Variants in DST observed in about 807,000 individuals in gnomAD.
DST encodes bullous pemphigoid antigen.
DST carries 253 observed loss-of-function variants against 875.2 expected under a neutral mutation model. The observed-to-expected ratio is 0.29, with a 90% confidence interval of 0.26 to 0.32. DST has a LOEUF of 0.32. DST is among the 10% of genes least tolerant of loss of function. The pLI is 1.00. For missense variants in DST, 8,287 were observed against 9,111.6 expected (o/e 0.91, Z 3.68); for synonymous variants, 3,124 against 3,197.1 (o/e 0.98, Z 0.77).
chr6:56,842,336 T>C (rs1004615066), intron 4 of DST, among the ~76,000 whole-genome samples: 64 of 152,308 alleles, frequency 4.2e-4, no homozygotes, highest in Middle Eastern at 3.4e-3. Context: ...TAAAAATACA[T>C]TTCCAGACAC....
intron 9 of DST, among the ~76,000 whole-genome samples, chr6:56,689,852 G>A (rs970866669): frequency 6.6e-6 from 1 of 152,274 alleles, no homozygotes; most frequent in Admixed American, 6.5e-5. Context: ...ACAAAACTGG[G>A]AAGAGGTGGG....
chr6:56,482,662 T>A, intron 89 of DST, 21 bp downstream of exon 89: 1 of 1,602,410 alleles, frequency 6.2e-7, no homozygotes, highest in Non-Finnish European at 8.5e-7. Context: ...TACACCCAGC[T>A]CTCATTTACA....
At chr6:56,578,761 C>A (rs554054086) in intron 50 of DST, 53 bp downstream of exon 50, 2 of 1,591,370 alleles carry the variant, frequency 1.3e-6, no homozygotes, top group Admixed American at 3.4e-5. Flanking sequence ...TATTAGGACA[C>A]CTTTCTTTAG....
intron 3 of DST, among the ~76,000 whole-genome samples, chr6:56,874,438 T>C (rs1291471909): frequency 6.6e-6 from 1 of 152,254 alleles, no homozygotes; most frequent in Non-Finnish European, 1.5e-5. Context: ...ACCATCTTAC[T>C]TTCTTTTCAT....
In DST at chr6:56,938,108, C is replaced by CTCTCTA. The variant is rs1383243392; in HGVS notation, c.216+15676_216+15677insTAGAGA. On this transcript the variant is annotated intron_variant, in intron 2 of 103. Coordinates refer to ENST00000680361, the MANE Select transcript of DST (RefSeq NM_001374736.1). ...TCTCTCTCTCTCTCTCTCTCTCTCT[C>CTCTCTA]TATATATATATATATATATATATGT... Among the ~76,000 whole-genome samples, 438 of 120,732 alleles carry CTCTCTA rather than the reference C, an allele frequency of 3.6e-3. 4 individuals carry two copies. Among genetic ancestry groups the CTCTCTA allele is most frequent in the African/African-American group, 0.014 (409 of 28,604 alleles). The allele number at this position is 120,732 out of a possible 152,430, so 79.2% of individuals were successfully genotyped here.
intron 4 of DST, among the ~76,000 whole-genome samples, chr6:56,811,628 T>C (rs907838751): frequency 2.6e-5 from 4 of 152,222 alleles, no homozygotes; most frequent in Non-Finnish European, 4.4e-5. Flanking sequence ...GATGAAACTG[T>C]GTCAGCCTTA....
chr6:56,938,041 G>A (rs968290084), intron 2 of DST, among the ~76,000 whole-genome samples: 8 of 149,806 alleles, frequency 5.3e-5, no homozygotes, highest in Admixed American at 2.6e-4. Context: ...TGGGGATGAC[G>A]AAAAATATTC....
At chr6:56,466,496 A>C (rs2094581769) in intron 98 of DST, 1 of 200,672 alleles carries the variant, frequency 5.0e-6, no homozygotes, top group Admixed American at 5.9e-5. Flanking sequence ...GTAAGGCAGT[A>C]ATTTTAAAAT....
intron 15 of DST, among the ~76,000 whole-genome samples, chr6:56,644,429 A>AC (rs1487040748): frequency 2.0e-5 from 3 of 152,156 alleles, no homozygotes; most frequent in African/African-American, 7.2e-5. Context: ...GTCAATGTGT[A>AC]AGGCACAGAG....
intron 4 of DST, among the ~76,000 whole-genome samples, chr6:56,759,608 C>G (rs2099612587): frequency 2.0e-5 from 3 of 152,154 alleles, no homozygotes; most frequent in Admixed American, 2.0e-4. Flanking sequence ...TAATGACTAT[C>G]AGAGACCTCT....
chr6:56,634,597 T>C lies in DST; in HGVS notation c.3359A>G (p.Asp1120Gly). ...AGAGTTATTCGCCAAAACACATTCA[T>C]CGTCTTTGTAAATGGTTATCTGGTT... ...RQIEITIYKD[D>G]ECVLANNSHR... The change falls in exon 26 of 104, where the codon GAT becomes GGT. Residue 1120 changes from aspartate to glycine, a missense_variant. Asp to Gly is a moderately conservative substitution (Grantham distance 94). Transcript: ENST00000680361. 1 of 1,614,178 alleles carries C rather than the reference T, an allele frequency of 6.2e-7. No homozygotes were observed. The highest frequency in any genetic ancestry group is 8.5e-7 in the Non-Finnish European group (1 of 1,180,036).
chr6:56,763,712 C>CACAT (rs1331482092), intron 4 of DST, among the ~76,000 whole-genome samples: 1 of 148,990 alleles, frequency 6.7e-6, no homozygotes, highest in Non-Finnish European at 1.5e-5. Context: ...CACACACACA[C>CACAT]ACACACACAC....
At chr6:56,592,431 C>A in intron 48 of DST, 73 bp from the exon 49 acceptor site, 3 of 1,199,034 alleles carry the variant, frequency 2.5e-6, no homozygotes, top group Non-Finnish European at 3.5e-6. Context: ...AATCTTAGGA[C>A]CTATAAAATA....
At chr6:56,649,194 G>A (rs748168495) in intron 12 of DST, among the ~76,000 whole-genome samples, 1 of 152,158 alleles carries the variant, frequency 6.6e-6, no homozygotes, top group Non-Finnish European at 1.5e-5. Context: ...GATTATCCAA[G>A]TACTCAGTAG....
At chr6:56,871,718 G>T in intron 3 of DST, 1 of 346,892 alleles carries the variant, frequency 2.9e-6, no homozygotes, top group East Asian at 6.2e-5. Flanking sequence ...AGAAACTGAA[G>T]AAACAAAAAC....
rs1318392037 is a variant in DST, at chr6:56,553,213, T to C, written c.15579A>G (p.Lys5193=). The C allele has an allele frequency of 6.2e-7, 1 of 1,613,984 alleles. No homozygotes were observed. Residue 5193 remains lysine (K), a synonymous_variant, in exon 61 of 104, where the codon AAA becomes AAG. Transcript: ENST00000680361. The part of the protein sequence containing the change: ...DKCQNNLEEI[K]FCLDPAEGEN... ...CTCCTTCAGCAGGATCCAAGCAAAA[T>C]TTTATTTCCTCCAGGTTGTTTTGGC...
chr6:56,517,699 T>C, intron 69 of DST, 79 bp from the exon 70 acceptor site: 1 of 1,471,964 alleles, frequency 6.8e-7, no homozygotes, highest in South Asian at 1.4e-5. Context: ...TTCTTTGAAA[T>C]ATCCTTATTA....
chr6:56,631,175 T>C, intron 30 of DST, 36 bp downstream of exon 30: 4 of 1,224,370 alleles, frequency 3.3e-6, no homozygotes, highest in Non-Finnish European at 4.5e-6. Flanking sequence ...GAGAGTTGTA[T>C]GAAGCAATTT....
chr6:56,464,701 A>G lies in DST; in HGVS notation c.22743T>C (p.Thr7581=). The G allele has an allele frequency of 6.3e-7, 1 of 1,599,274 alleles. No homozygotes were observed. The change falls in exon 100 of 104, where the codon ACT becomes ACC. Residue 7581 remains threonine (T), a synonymous_variant. Coordinates refer to ENST00000680361, the MANE Select transcript of DST (RefSeq NM_001374736.1). ...LRSESNSSIT[T]TQPTIAKGRT... ...GTTGCCAACCTATAGTAGGCTGAGT[A>G]GTAGTAATTGAAGAGTTTGATTCCG... is the stretch of plus-strand genomic sequence containing the variant.
Sources: gnomAD v4.1 joint callset for allele counts (sites outside exome capture counted in the v4.1 genomes callset) on GRCh38, gnomAD v4.1.1 for gene constraint, MANE v1.5 for transcripts, NCBI Gene and HGNC (gene_info 2026-07-23, HGNC 2026-07-21) for gene names.